Variants in DYNC2LI1 observed in about 807,000 individuals in gnomAD.
The protein encoded by DYNC2LI1 is cytoplasmic dynein 2 light intermediate chain 1.
A neutral mutation model predicts 51.9 loss-of-function variants in DYNC2LI1; 45 were observed. That is an observed-to-expected ratio of 0.87 (90% CI 0.68 to 1.11). The LOEUF is 1.11. Ranked by LOEUF, DYNC2LI1 falls within the 50% of genes most tolerant of loss-of-function variation. DYNC2LI1 has a pLI of 0.00. For missense variants in DYNC2LI1, 490 were observed against 417.4 expected (o/e 1.17, Z -1.51); for synonymous variants, 130 against 137.8 (o/e 0.94, Z 0.40).
intron 12 of DYNC2LI1, 106 bp from the exon 13 acceptor site, chr2:43,809,599 A>G (rs1666407567): frequency 1.4e-6 from 1 of 728,536 alleles, no homozygotes; most frequent in Non-Finnish European, 2.4e-6. Context: ...TGATAATGCT[A>G]CTAAGGATTC....
At chr2:43,796,138 A>G (rs1572711757) in intron 7 of DYNC2LI1, among the ~76,000 whole-genome samples, 180 bp downstream of exon 7, 1 of 152,206 alleles carries the variant, frequency 6.6e-6, no homozygotes, top group Non-Finnish European at 1.5e-5. Context: ...TAAAGAAAAT[A>G]AATGCAGTGA....
At chr2:43,794,086 G>C (rs1673919617) in intron 5 of DYNC2LI1, 1 of 186,372 alleles carries the variant, frequency 5.4e-6, no homozygotes, top group Non-Finnish European at 1.1e-5. Context: ...CCTGATTATT[G>C]TGTTACTGTT....
At chr2:43,802,749 T>C (rs1431138195) in intron 10 of DYNC2LI1, among the ~76,000 whole-genome samples, 3 of 152,156 alleles carry the variant, frequency 2.0e-5, no homozygotes, top group Admixed American at 6.5e-5. Flanking sequence ...AGACGTGCCA[T>C]AGTGTGGGAG....
chr2:43,796,666 C>A, intron 7 of DYNC2LI1, 52 bp from the exon 8 acceptor site: 1 of 1,290,380 alleles, frequency 7.7e-7, no homozygotes, highest in East Asian at 2.3e-5. Context: ...TTGAATCTTC[C>A]TGCTATAGAT....
chr2:43,825,601 G>T, the DYNC2LI1 span, among the ~76,000 whole-genome samples: 1,524 of 150,440 alleles, frequency 0.01, 20 homozygotes, highest in African/African-American at 0.036. Context: ...TTGTTGTTTT[G>T]TTGTTATTGT....
intron 2 of DYNC2LI1, among the ~76,000 whole-genome samples, chr2:43,779,524 G>A (rs1673178762): frequency 1.3e-5 from 2 of 152,188 alleles, no homozygotes; most frequent in Non-Finnish European, 2.9e-5. Context: ...TCCCTGGGAA[G>A]CAACTTGTGT....
chr2:43,813,969 G>A (rs1226006433), downstream of DYNC2LI1, among the ~76,000 whole-genome samples: 1 of 151,842 alleles, frequency 6.6e-6, no homozygotes, highest in South Asian at 2.1e-4. Context: ...TCCAACCTCC[G>A]ACTCCCAAAG....
downstream of DYNC2LI1, among the ~76,000 whole-genome samples, chr2:43,811,883 C>G (rs367566316): frequency 6.6e-6 from 1 of 152,114 alleles, no homozygotes; most frequent in Non-Finnish European, 1.5e-5. Flanking sequence ...CATGAGCCAC[C>G]GCGCCTGGCC....
the DYNC2LI1 span, among the ~76,000 whole-genome samples, chr2:43,815,180 C>T: frequency 6.6e-6 from 1 of 152,122 alleles, no homozygotes; most frequent in Admixed American, 6.5e-5. Flanking sequence ...GAGACCGAAC[C>T]AACATTCATT....
downstream of DYNC2LI1, among the ~76,000 whole-genome samples, chr2:43,814,186 A>G (rs547993162): frequency 6.6e-6 from 1 of 152,256 alleles, no homozygotes; most frequent in South Asian, 2.1e-4. Flanking sequence ...AGATACAGGA[A>G]CTGAGTCTAT....
chr2:43,808,825 C>T (rs1666369960), intron 12 of DYNC2LI1, among the ~76,000 whole-genome samples: 1 of 152,176 alleles, frequency 6.6e-6, no homozygotes, highest in South Asian at 2.1e-4. Context: ...ATTATTTAAT[C>T]AGTCCTTACT....
intron 5 of DYNC2LI1, among the ~76,000 whole-genome samples, chr2:43,791,441 C>G (rs1446739678): frequency 6.6e-6 from 1 of 152,030 alleles, no homozygotes; most frequent in African/African-American, 2.4e-5. Flanking sequence ...CCAGATCATC[C>G]CAAGGGTTAA....
At chr2:43,776,138 A>G (rs947173498) in intron 1 of DYNC2LI1, among the ~76,000 whole-genome samples, 2 of 151,698 alleles carry the variant, frequency 1.3e-5, no homozygotes, top group African/African-American at 4.8e-5. Context: ...TGCACCCATT[A>G]ATTCATCATT....
At chr2:43,777,649 T>C (rs1333436807) in intron 2 of DYNC2LI1, among the ~76,000 whole-genome samples, 1 of 152,206 alleles carries the variant, frequency 6.6e-6, no homozygotes, top group Non-Finnish European at 1.5e-5. Flanking sequence ...CTTAAGCGCA[T>C]TGACAAATAC....
chr2:43,826,436 G>A, the DYNC2LI1 span: 6 of 1,614,114 alleles, frequency 3.7e-6, no homozygotes, highest in Admixed American at 5.0e-5. Context: ...TTCGGTTCCT[G>A]CGAGCCAGTT....
At chr2:43,811,852 C>T (rs142940815), downstream of DYNC2LI1, among the ~76,000 whole-genome samples, 1,402 of 152,248 alleles carry the variant, frequency 9.2e-3, 22 homozygotes, top group African/African-American at 0.033. Context: ...CCTCGGCCTC[C>T]CAAAGTGCTG....
At chr2:43,828,341 A>G in the DYNC2LI1 span, 6 of 606,096 alleles carry the variant, frequency 9.9e-6, no homozygotes, top group Non-Finnish European at 1.7e-5. Flanking sequence ...GAATTTTTTA[A>G]AACGTCCCCA....
chr2:43,826,554 A>G, the DYNC2LI1 span: 2 of 1,614,088 alleles, frequency 1.2e-6, no homozygotes, highest in Non-Finnish European at 1.7e-6. Flanking sequence ...CTTCTAAGGT[A>G]GTGCAGAGCC....
chr2:43,806,311 A>C (rs748497875), intron 12 of DYNC2LI1, among the ~76,000 whole-genome samples: 1 of 152,218 alleles, frequency 6.6e-6, no homozygotes, highest in Non-Finnish European at 1.5e-5. Context: ...AGCCCCAGCA[A>C]CTTCTCAGGT....
Sources: gnomAD v4.1 joint callset for allele counts (sites outside exome capture counted in the v4.1 genomes callset) on GRCh38, gnomAD v4.1.1 for gene constraint, MANE v1.5 for transcripts, NCBI Gene and HGNC (gene_info 2026-07-23, HGNC 2026-07-21) for gene names.